The following ADGRV1 variants were observed in gnomAD, a reference collection of about 807,000 sequenced individuals.
ADGRV1 encodes the protein adhesion G protein-coupled receptor V1.
A neutral mutation model predicts 596.2 loss-of-function variants in ADGRV1; 359 were observed. The ratio of observed to expected loss-of-function variants is 0.60; its 90% confidence interval spans 0.55 to 0.66. The LOEUF is 0.66. Among genes scored for constraint, ADGRV1 ranks in the 30% least tolerant of loss-of-function variants. ADGRV1 has a pLI of 0.00. For missense variants in ADGRV1, 7,274 were observed against 7,575.6 expected, an observed-to-expected ratio of 0.96 and a Z score of 1.48; for synonymous variants, 2,681 against 2,679.2, an observed-to-expected ratio of 1.00 and a Z score of -0.02.
At chr5:90,897,636 A>G (rs1386964673) in intron 83 of ADGRV1, among the ~76,000 whole-genome samples, 1 of 152,208 alleles carries the variant, frequency 6.6e-6, no homozygotes, top group African/African-American at 2.4e-5. Flanking sequence ...CTACTATTGT[A>G]ATATCATTCA....
intron 81 of ADGRV1, 103 bp from the exon 82 acceptor site, chr5:90,855,638 G>T: frequency 1.3e-6 from 1 of 760,772 alleles, no homozygotes; most frequent in East Asian, 2.6e-5. Flanking sequence ...TAAGTCTTGA[G>T]CAAAGAACAC....
chr5:90,760,644 G>GA (rs1300038083), intron 58 of ADGRV1, among the ~76,000 whole-genome samples: 3 of 151,940 alleles, frequency 2.0e-5, no homozygotes, highest in African/African-American at 7.3e-5. Context: ...GACTTATGTA[G>GA]AAAAAAACAC....
Position 90,781,557 on chromosome 5 carries a change from C to A in ADGRV1, c.13210C>A (p.Pro4404Thr), listed in dbSNP as rs1422670381. ...CGCAGAAGGCATCATTGAATTTGAC[C>A]CAAAGTATACTGCCTTCGAAGGTAG... ...DNAEGIIEFDPKYTAFEVEED... is the reference protein window; with the variant it reads ...DNAEGIIEFDTKYTAFEVEED... Residue 4404 changes from proline to threonine, a missense_variant, in exon 65 of 90, where the codon CCA (proline) becomes ACA (threonine). By Grantham distance (38) the Pro-to-Thr change is conservative (BLOSUM62 -1). This residue lies in a region of ADGRV1 where 3,643 missense variants were observed against 3,809.2 expected (regional missense o/e 0.96). Transcript: ENST00000405460. 1 of 1,609,356 alleles carries A rather than the reference C, an allele frequency of 6.2e-7. No homozygotes were observed. Among genetic ancestry groups the A allele is most frequent in the African/African-American group, 1.3e-5 (1 of 74,870 alleles).
rs1324595210 is a variant in ADGRV1 at position 90,635,343 on chromosome 5, A to G, written c.2016+53A>G. On this transcript the variant is annotated intron_variant, in intron 10 of 89. Coordinates refer to ENST00000405460, the MANE Select transcript of ADGRV1 (RefSeq NM_032119.4). ...GGCTAATGAGTATGAAGTAATGTAC[A>G]GACACTATTTTTAAAATAAGATCAG... 4 of 1,008,128 alleles carry G rather than the reference A, an allele frequency of 4.0e-6. No homozygotes were observed. The highest frequency in any genetic ancestry group is 2.4e-5 in the South Asian group (1 of 41,958). 62.4% of individuals were successfully genotyped at this position (1,008,128 alleles called of 1,614,324 possible).
intron 83 of ADGRV1, among the ~76,000 whole-genome samples, chr5:90,890,581 TTA>T (rs1276972252): frequency 6.6e-6 from 1 of 152,174 alleles, no homozygotes; most frequent in African/African-American, 2.4e-5. Flanking sequence ...CATGAAAGAC[TTA>T]AACAGTACCT....
rs775774768 is a variant in ADGRV1 at position 90,791,146 on chromosome 5, A to G, written c.14317A>G (p.Ile4773Val). The part of the protein sequence containing the change: ...VFALYSDRQS[I>V]LIGQNLIRSI... ...TGCCCTGTATTCGGATCGCCAGTCA[A>G]TACTTATTGGGCAGAACCTTATTAG... The change falls in exon 70 of 90, where the codon ATA becomes GTA. Residue 4773 changes from isoleucine to valine, a missense_variant. Physicochemically the swap from Ile to Val is conservative, Grantham distance 29. This residue lies in a region of ADGRV1 where 1,874 missense variants were observed against 1,970.2 expected (regional missense o/e 0.95). Transcript: ENST00000405460. 8.7e-6 allele frequency: 14 copies of G among 1,613,980 alleles called. 1 individual carries two copies. The highest frequency in any genetic ancestry group is 2.7e-5 in the African/African-American group (2 of 75,062).
chr5:91,041,858 T>G (rs1333487846), intron 85 of ADGRV1, among the ~76,000 whole-genome samples: 1 of 152,182 alleles, frequency 6.6e-6, no homozygotes, highest in African/African-American at 2.4e-5. Flanking sequence ...CATGATGCTT[T>G]AAGAACAAAC....
Position 90,622,663 on chromosome 5 carries a change from G to GA in ADGRV1, c.524dup (p.Thr177AsnfsTer10). ...GTCTATGCCTCTTACTCTCATCAGGGAAAAGGGAACCTATGGAATGGTCAT... is the reference window on the plus strand; with the variant it reads ...GTCTATGCCTCTTACTCTCATCAGGGAAAAAGGGAACCTATGGAATGGTCAT... On this transcript the variant is annotated frameshift_variant, in exon 5 of 90. Coordinates refer to ENST00000405460, the MANE Select transcript of ADGRV1 (RefSeq NM_032119.4). LOFTEE classifies it high-confidence loss of function. 6.4e-7 allele frequency: 1 copy of GA among 1,557,522 alleles called. No homozygotes were observed. Among genetic ancestry groups the GA allele is most frequent in the Non-Finnish European group, 8.7e-7 (1 of 1,150,082 alleles).
chr5:90,738,349 T>A (rs1195558835), intron 50 of ADGRV1, among the ~76,000 whole-genome samples: 2 of 152,262 alleles, frequency 1.3e-5, no homozygotes, highest in African/African-American at 4.8e-5. Context: ...CTTTATATAA[T>A]CACCTTACAT....
chr5:91,112,271 C>G (rs148414487), intron 87 of ADGRV1, among the ~76,000 whole-genome samples: 4 of 152,336 alleles, frequency 2.6e-5, no homozygotes, highest in Non-Finnish European at 5.9e-5. Context: ...CTGGCTCCCT[C>G]CTTCCAAACA....
intron 83 of ADGRV1, among the ~76,000 whole-genome samples, chr5:90,873,336 T>G (rs763826628): frequency 6.6e-6 from 1 of 152,160 alleles, no homozygotes; most frequent in Admixed American, 6.5e-5. Flanking sequence ...ATGTTTTGGT[T>G]GTAAGGGCGA....
chr5:90,835,810 A>C (rs1006630305), intron 77 of ADGRV1, among the ~76,000 whole-genome samples: 1 of 152,178 alleles, frequency 6.6e-6, no homozygotes, highest in African/African-American at 2.4e-5. Context: ...TGAAGGAAAA[A>C]CTAAGAATTT....
At chr5:90,944,552 A>G (rs894622259) in intron 83 of ADGRV1, among the ~76,000 whole-genome samples, 6 of 152,198 alleles carry the variant, frequency 3.9e-5, no homozygotes, top group East Asian at 1.9e-4. Context: ...TACACTAGAG[A>G]TTATATAAAC....
chr5:90,936,083 G>A (rs1316689429), intron 83 of ADGRV1, among the ~76,000 whole-genome samples: 2 of 152,158 alleles, frequency 1.3e-5, no homozygotes, highest in Non-Finnish European at 2.9e-5. Flanking sequence ...TAAGTTACCA[G>A]GATGCTTTTT....
chr5:90,754,786 G>A (rs2149971540), intron 54 of ADGRV1, among the ~76,000 whole-genome samples, 197 bp from the exon 55 acceptor site: 1 of 152,234 alleles, frequency 6.6e-6, no homozygotes, highest in South Asian at 2.1e-4. Flanking sequence ...AGGAGTGGAT[G>A]GTGATTCTCT....
At chr5:90,669,495 A>G (rs1463922278) in intron 21 of ADGRV1, among the ~76,000 whole-genome samples, 1 of 152,238 alleles carries the variant, frequency 6.6e-6, no homozygotes, top group East Asian at 1.9e-4. Context: ...AGACCTGATA[A>G]AAATGTTGTA....
At chr5:91,079,924 G>T (rs781095757) in intron 86 of ADGRV1, among the ~76,000 whole-genome samples, 21 of 152,184 alleles carry the variant, frequency 1.4e-4, no homozygotes, top group Non-Finnish European at 2.2e-4. Flanking sequence ...AAGTGCAGGT[G>T]TGCATCTCCC....
At chr5:90,618,375 C>A (rs1239146222) in intron 3 of ADGRV1, among the ~76,000 whole-genome samples, 7 of 152,092 alleles carry the variant, frequency 4.6e-5, no homozygotes, top group Non-Finnish European at 1.0e-4. Context: ...GGGAGAAAAA[C>A]CTGAATAGCC....
Position 90,596,957 on chromosome 5 carries a change from A to G in ADGRV1, c.23-17878A>G, listed in dbSNP as rs138811677. ...AAAAAGAGTGGTGGGTGGTCTTTTT[A>G]GTTATAAGACAAAGAATAATATTAC... On this transcript the variant is annotated intron_variant, in intron 1 of 89. Coordinates refer to ENST00000405460, the MANE Select transcript of ADGRV1 (RefSeq NM_032119.4). 3.0e-3 allele frequency among the ~76,000 whole-genome samples: 460 copies of G among 152,350 alleles called. 5 individuals carry two copies. Among genetic ancestry groups the G allele is most frequent in the Middle Eastern group, 0.01 (3 of 294 alleles).
Sources: gnomAD v4.1 joint callset for allele counts (sites outside exome capture counted in the v4.1 genomes callset) on GRCh38, gnomAD v4.1.1 for gene constraint, gnomAD v4.1.1 regional missense constraint, MANE v1.5 for transcripts, NCBI Gene and HGNC (gene_info 2026-07-23, HGNC 2026-07-21) for gene names.